PTPRN2: variants seen among roughly 807,000 people sequenced by gnomAD.
PTPRN2 encodes the protein receptor-type tyrosine-protein phosphatase N2.
A neutral mutation model predicts 118.8 loss-of-function variants in PTPRN2; 74 were observed. The observed-to-expected ratio is 0.62, with a 90% confidence interval of 0.52 to 0.76. PTPRN2 has a LOEUF of 0.76. PTPRN2 is among the 30% of genes least tolerant of loss of function. The probability of loss-of-function intolerance (pLI) is 0.00; values close to 1 mark genes in which losing one functional copy is unlikely to be tolerated. For synonymous variants in PTPRN2, 641 were observed against 608.0 expected, an observed-to-expected ratio of 1.05 and a Z score of -0.80; for missense variants, 1,481 against 1,394.4, an observed-to-expected ratio of 1.06 and a Z score of -0.99.
chr7:157,565,238 C>T (rs75861543), intron 21 of PTPRN2, among the ~76,000 whole-genome samples: 1,853 of 152,348 alleles, frequency 0.012, 36 homozygotes, highest in African/African-American at 0.042. Context: ...GACACCCCAC[C>T]GTCCACTCAC....
In PTPRN2 at chr7:157,674,991, C is replaced by T. The variant is rs1389557575; in HGVS notation, c.2001+7734G>A. On this transcript the variant is annotated intron_variant, in intron 13 of 22. Coordinates refer to ENST00000389418, the MANE Select transcript of PTPRN2 (RefSeq NM_002847.5). The surrounding 1 kb of genome is among the most constrained non-coding windows in gnomAD (Gnocchi z 4.5). ...GCTACAGGCAGGGAGTGGGGAGACC[C>T]AGCCTTCAAGCACAGCGCCCCTTGG... 6.6e-6 allele frequency among the ~76,000 whole-genome samples: 1 copy of T among 152,194 alleles called. No individual in the cohort carries two copies. Among genetic ancestry groups the T allele is most frequent in the African/African-American group, 2.4e-5 (1 of 41,448 alleles).
chr7:158,247,005 G>A (rs7791230), intron 3 of PTPRN2, among the ~76,000 whole-genome samples: 26,989 of 152,234 alleles, frequency 0.18, 2,775 homozygotes, highest in East Asian at 0.31. Context: ...CAGAGCAAGC[G>A]TGCAGCCATG....
chr7:158,059,433 G>T (rs185360922), intron 11 of PTPRN2, among the ~76,000 whole-genome samples: 1 of 76,006 alleles, frequency 1.3e-5, no homozygotes, highest in South Asian at 4.5e-4. Flanking sequence ...ATCTGCCCAC[G>T]GTGAGACATC....
intron 2 of PTPRN2, among the ~76,000 whole-genome samples, chr7:158,341,318 A>C: frequency 6.6e-6 from 1 of 150,576 alleles, no homozygotes; most frequent in East Asian, 2.0e-4. Flanking sequence ...ACTCACACCC[A>C]CACACGTCAC....
At chr7:158,153,863 C>T (rs935632446) in intron 6 of PTPRN2, among the ~76,000 whole-genome samples, 10 of 143,050 alleles carry the variant, frequency 7.0e-5, no homozygotes, top group South Asian at 2.4e-4. Context: ...AGAGAGCAGC[C>T]GGCTGGTGGG....
intron 12 of PTPRN2, among the ~76,000 whole-genome samples, chr7:157,898,414 T>C (rs1160478028): frequency 6.6e-6 from 1 of 152,242 alleles, no homozygotes; most frequent in African/African-American, 2.4e-5. Flanking sequence ...TCCGTTCTTC[T>C]TAGCCATGAA....
intron 11 of PTPRN2, among the ~76,000 whole-genome samples, chr7:157,985,128 TC>T (rs1270470546): frequency 3.3e-5 from 5 of 152,260 alleles, no homozygotes; most frequent in Admixed American, 3.3e-4. Context: ...CACTCAACAC[TC>T]CCTTTAACAA....
In PTPRN2 at chr7:158,514,907, C is replaced by T. The variant is rs564568938; in HGVS notation, c.113-25122G>A. Among the ~76,000 whole-genome samples the T allele has an allele frequency of 2.2e-4, 33 of 152,238 alleles. No individual in the cohort carries two copies. In the South Asian group the frequency reaches 6.6e-3, roughly 31 times the overall value. On this transcript the variant is annotated intron_variant, in intron 1 of 22. Transcript: ENST00000389418. ...GTGTGTGGTTTGCTGCTCCTGGACCCGCTCTCTCAGGGGCATCATCATGAG... is the reference window on the plus strand; with the variant it reads ...GTGTGTGGTTTGCTGCTCCTGGACCTGCTCTCTCAGGGGCATCATCATGAG...
rs1826933844 is a variant in PTPRN2 at position 158,555,727 on chromosome 7, A to C, written c.112+31831T>G. On this transcript the variant is annotated intron_variant, in intron 1 of 22. Transcript: ENST00000389418. The surrounding 1 kb of genome is among the most constrained non-coding windows in gnomAD (Gnocchi z 4.7). ...GGGTAAAGGGAGCTCTTCCGCCAAC[A>C]GGTGGCCGGTGTTGCTTCCCAGCGG... 6.6e-6 allele frequency among the ~76,000 whole-genome samples: 1 copy of C among 152,156 alleles called. No homozygotes were observed. Among genetic ancestry groups the C allele is most frequent in the Non-Finnish European group, 1.5e-5 (1 of 68,030 alleles).
intron 12 of PTPRN2, among the ~76,000 whole-genome samples, chr7:157,891,418 C>G (rs1796796458): frequency 7.4e-6 from 1 of 135,910 alleles, no homozygotes; most frequent in Admixed American, 7.4e-5. Context: ...CACCCCCCGC[C>G]CCCCACCCCA....
chr7:158,221,660 G>T (rs770126776), intron 3 of PTPRN2, among the ~76,000 whole-genome samples: 4 of 152,018 alleles, frequency 2.6e-5, no homozygotes, highest in Non-Finnish European at 4.4e-5. Flanking sequence ...GGTTTCCTTC[G>T]GATCCATCAG....
chr7:158,091,035 G>A (rs917263063), intron 10 of PTPRN2, among the ~76,000 whole-genome samples: 3 of 152,172 alleles, frequency 2.0e-5, no homozygotes, highest in Non-Finnish European at 2.9e-5. Context: ...TCCATGTTTC[G>A]GAAATGGTTT....
At chr7:158,053,361 G>A (rs1809480362) in intron 11 of PTPRN2, among the ~76,000 whole-genome samples, 1 of 152,208 alleles carries the variant, frequency 6.6e-6, no homozygotes, top group African/African-American at 2.4e-5. Flanking sequence ...GGCACCACTG[G>A]AAGGGCCCAG....
intron 2 of PTPRN2, among the ~76,000 whole-genome samples, chr7:158,421,427 G>A (rs928632324): frequency 3.9e-5 from 6 of 152,190 alleles, no homozygotes; most frequent in Non-Finnish European, 7.3e-5. Context: ...TATGCAAAGT[G>A]CATCGACAAA....
chr7:158,013,380 C>T (rs186524429), intron 11 of PTPRN2, among the ~76,000 whole-genome samples: 18 of 152,260 alleles, frequency 1.2e-4, no homozygotes, highest in Non-Finnish European at 2.1e-4. Context: ...CATCATCCAC[C>T]TACACATCCT....
At chr7:158,083,599 C>T (rs969524714) in intron 10 of PTPRN2, among the ~76,000 whole-genome samples, 4 of 152,218 alleles carry the variant, frequency 2.6e-5, no homozygotes, top group Non-Finnish European at 4.4e-5. Flanking sequence ...TACATGGCCC[C>T]GTATTTCACG....
chr7:158,263,499 G>A (rs1377597618), intron 3 of PTPRN2, among the ~76,000 whole-genome samples: 2 of 152,216 alleles, frequency 1.3e-5, no homozygotes, highest in Non-Finnish European at 2.9e-5. Flanking sequence ...CTCACCCCAT[G>A]CTGCCTGGGT....
At chr7:157,968,951 C>T (rs1399424794) in intron 11 of PTPRN2, among the ~76,000 whole-genome samples, 10 of 152,086 alleles carry the variant, frequency 6.6e-5, no homozygotes, top group Non-Finnish European at 1.0e-4. Flanking sequence ...TGGAAGGTGC[C>T]GAAGAAACAG....
chr7:157,613,556 G>A (rs914881241), intron 15 of PTPRN2, among the ~76,000 whole-genome samples: 3 of 152,198 alleles, frequency 2.0e-5, no homozygotes, highest in African/African-American at 7.2e-5. Context: ...GGCAGGGCGG[G>A]CTCCTCGCTG....
Sources: allele counts gnomAD v4.1 joint callset (sites outside exome capture counted in the v4.1 genomes callset), GRCh38; gene constraint gnomAD v4.1.1; non-coding constraint Gnocchi (gnomAD v3.1); transcripts MANE v1.5; gene names NCBI Gene and HGNC (gene_info 2026-07-23, HGNC 2026-07-21).